The following SLCO5A1 variants were observed in gnomAD, a reference collection of about 807,000 sequenced individuals.
SLCO5A1 encodes the protein solute carrier organic anion transporter family member 5A1, also known as organic anion transporter polypeptide-related protein 4.
In SLCO5A1, 39 loss-of-function variants were observed where a neutral mutation model predicts 65.1. The observed-to-expected ratio is 0.60, with a 90% CI of 0.46 to 0.78. The LOEUF (loss-of-function observed/expected upper bound fraction) is 0.78, where lower values mean the gene tolerates loss of function less well. Among genes scored for constraint, SLCO5A1 ranks in the 30% least tolerant of loss-of-function variants. The pLI is 0.00. For missense variants in SLCO5A1, 1,029 were observed against 1,069.4 expected (o/e 0.96, Z 0.53); for synonymous variants, 438 against 415.7 (o/e 1.05, Z -0.65).
intron 5 of SLCO5A1, among the ~76,000 whole-genome samples, chr8:69,729,915 G>A (rs553917545): frequency 6.6e-6 from 1 of 152,304 alleles, no homozygotes; most frequent in South Asian, 2.1e-4. Context: ...CCACTGTAAA[G>A]TAGACCAATA....
At chr8:69,703,714 C>T (rs1814848856) in intron 6 of SLCO5A1, among the ~76,000 whole-genome samples, 1 of 152,138 alleles carries the variant, frequency 6.6e-6, no homozygotes, top group African/African-American at 2.4e-5. Flanking sequence ...GAGGCAGCCA[C>T]CCTGGATGAC....
chr8:69,803,123 CA>C (rs1819828325), intron 2 of SLCO5A1, among the ~76,000 whole-genome samples: 1 of 151,990 alleles, frequency 6.6e-6, no homozygotes. Flanking sequence ...CTACTAAAAA[CA>C]CAAAAAATTG....
chr8:69,682,042 G>A (rs1210886224), intron 7 of SLCO5A1, 142 bp downstream of exon 7: 1 of 861,438 alleles, frequency 1.2e-6, no homozygotes, highest in Non-Finnish European at 1.8e-6. Flanking sequence ...TTTCCTCTAG[G>A]TTTTCATCAG....
At chr8:69,680,068 A>G (rs1813701718) in intron 7 of SLCO5A1, among the ~76,000 whole-genome samples, 1 of 152,248 alleles carries the variant, frequency 6.6e-6, no homozygotes, top group South Asian at 2.1e-4. Flanking sequence ...CAGAGAATTT[A>G]TAGTGCAATC....
chr8:69,724,491 T>C (rs1450935640), intron 5 of SLCO5A1, among the ~76,000 whole-genome samples: 1 of 152,176 alleles, frequency 6.6e-6, no homozygotes, highest in Non-Finnish European at 1.5e-5. Flanking sequence ...TAGCCTGAAA[T>C]CTAATCAGAC....
intron 2 of SLCO5A1, among the ~76,000 whole-genome samples, chr8:69,823,496 C>T (rs1447659353): frequency 3.3e-5 from 5 of 152,162 alleles, no homozygotes; most frequent in Non-Finnish European, 7.3e-5. Context: ...ATAAAACAGA[C>T]TTTAAACCAG....
chr8:69,807,231 A>G (rs1055692173), intron 2 of SLCO5A1, among the ~76,000 whole-genome samples: 26 of 152,220 alleles, frequency 1.7e-4, no homozygotes, highest in African/African-American at 6.3e-4. Context: ...TTTAATTGAC[A>G]TAATAATTGT....
chr8:69,800,360 G>A (rs942017069), intron 2 of SLCO5A1, among the ~76,000 whole-genome samples: 3 of 151,232 alleles, frequency 2.0e-5, no homozygotes, highest in African/African-American at 4.9e-5. Context: ...AGGAGGAGGA[G>A]GAGAAGAGGC....
In SLCO5A1 at chr8:69,667,308, A is replaced by G. The variant is rs774033020; in HGVS notation, c.*5561T>C. On this transcript the variant is annotated 3_prime_UTR_variant, in exon 10 of 10. Transcript: ENST00000260126. ...ACAAAACACACACACACACACACAA[A>G]CACACACTCCACTAAGAACCTAATG... 6.6e-6 allele frequency: 1 copy of G among 152,082 alleles called. No individual in the cohort carries two copies. Among genetic ancestry groups the G allele is most frequent in the Non-Finnish European group, 1.5e-5 (1 of 67,992 alleles). 9.4% of individuals were successfully genotyped at this position (152,082 alleles called of 1,614,324 possible).
rs1408623372 is a variant in SLCO5A1, at chr8:69,832,438, A to G, written c.236T>C (p.Leu79Ser). The G allele has an allele frequency of 6.2e-7, 1 of 1,612,914 alleles. No individual in the cohort carries two copies. Among genetic ancestry groups the G allele is most frequent in the Non-Finnish European group, 8.5e-7 (1 of 1,179,622 alleles). ...HQELKQGPNP[L>S]APSPSAPSTS... is the part of the protein sequence containing the mutation. ...GGACGGGGCAGAGGGACTGGGGGCC[A>G]ACGGGTTCGGGCCTTGCTTCAACTC... The change falls in exon 2 of 10, where the codon TTG becomes TCG. Residue 79 changes from leucine (L) to serine (S), a missense_variant. Transcript: ENST00000260126. This position sits in a 1 kb window ranked among gnomAD's most constrained non-coding sequence, Gnocchi z 4.5.
Position 69,826,648 on chromosome 8 carries a change from T to A in SLCO5A1, c.907+5119A>T, listed in dbSNP as rs552077396. Among the ~76,000 whole-genome samples, 6 of 152,274 alleles carry A rather than the reference T, an allele frequency of 3.9e-5. No homozygotes were observed. In the South Asian group the frequency reaches 1.0e-3, roughly 26 times the overall value. On this transcript the variant is annotated intron_variant, in intron 2 of 9. Coordinates refer to ENST00000260126, the MANE Select transcript of SLCO5A1 (RefSeq NM_030958.3). Reference sequence around the variant, plus strand: ...AGGAAACAACAGGTGCTGGAGAGGATGTGGAGAAATAGGAACACTTTTACA... The same window carrying A: ...AGGAAACAACAGGTGCTGGAGAGGAAGTGGAGAAATAGGAACACTTTTACA...
intron 2 of SLCO5A1, among the ~76,000 whole-genome samples, chr8:69,788,486 C>T (rs796344988): frequency 8.5e-5 from 13 of 152,208 alleles, no homozygotes; most frequent in African/African-American, 2.2e-4. Flanking sequence ...AATTTGGATT[C>T]GGTCTTATCC....
chr8:69,759,943 G>A (rs1056142775), intron 3 of SLCO5A1, among the ~76,000 whole-genome samples: 5 of 152,146 alleles, frequency 3.3e-5, no homozygotes, highest in Middle Eastern at 3.4e-3. Flanking sequence ...CACCTTACCC[G>A]GCCCTCATCT....
At chr8:69,777,190 G>T (rs1348840867) in intron 2 of SLCO5A1, among the ~76,000 whole-genome samples, 1 of 152,062 alleles carries the variant, frequency 6.6e-6, no homozygotes, top group Non-Finnish European at 1.5e-5. Context: ...TTATAGTATG[G>T]TCATACAATG....
Position 69,673,057 on chromosome 8 carries a change from G to T in SLCO5A1, c.2359C>A (p.Pro787Thr), listed in dbSNP as rs372883515. 1 of 1,614,142 alleles carries T rather than the reference G, an allele frequency of 6.2e-7. No individual in the cohort carries two copies. Among genetic ancestry groups the T allele is most frequent in the Non-Finnish European group, 8.5e-7 (1 of 1,180,030 alleles). Reference sequence around the variant, plus strand: ...CAAGATCTAGTCCGGGCATTGTCGGGGTGTCCCACTCTCTCACTCACGGTG... The same window carrying T: ...CAAGATCTAGTCCGGGCATTGTCGGTGTGTCCCACTCTCTCACTCACGGTG... ...LSTVSERVGH[P>T]DNARTRSCPA... Residue 787 changes from proline to threonine, a missense_variant, in exon 10 of 10, where the codon CCC becomes ACC. Physicochemically the swap from Pro to Thr is conservative, Grantham distance 38. Around this residue, in one of 3 missense-constraint regions of SLCO5A1, gnomAD observed 258 missense variants for 237.4 expected, o/e 1.09. Transcript: ENST00000260126.
At chr8:69,777,918 C>A (rs1818627069) in intron 2 of SLCO5A1, among the ~76,000 whole-genome samples, 1 of 152,196 alleles carries the variant, frequency 6.6e-6, no homozygotes, top group African/African-American at 2.4e-5. Context: ...TCTCATCACA[C>A]AGACATTTTA....
intron 4 of SLCO5A1, among the ~76,000 whole-genome samples, chr8:69,740,470 A>G (rs987927960): frequency 6.6e-6 from 1 of 152,184 alleles, no homozygotes; most frequent in South Asian, 2.1e-4. Context: ...AGATAGACAG[A>G]TAGATAAATA....
chr8:69,813,196 A>G (rs1012008852), intron 2 of SLCO5A1, among the ~76,000 whole-genome samples: 2 of 151,908 alleles, frequency 1.3e-5, no homozygotes, highest in Admixed American at 6.6e-5. Context: ...AGTTCTCTTT[A>G]TAAAAAAAAA....
chr8:69,784,348 A>C (rs1818919913), intron 2 of SLCO5A1, among the ~76,000 whole-genome samples: 1 of 152,258 alleles, frequency 6.6e-6, no homozygotes, highest in Admixed American at 6.5e-5. Flanking sequence ...ATAAGATACC[A>C]CTATCACTAG....
Sources: allele counts gnomAD v4.1 joint callset (sites outside exome capture counted in the v4.1 genomes callset), GRCh38; gene constraint gnomAD v4.1.1; regional missense constraint gnomAD v4.1.1; non-coding constraint Gnocchi (gnomAD v3.1); transcripts MANE v1.5; gene names NCBI Gene and HGNC (gene_info 2026-07-23, HGNC 2026-07-21).